Variants in ACYP2 observed in about 807,000 individuals in gnomAD.
ACYP2 encodes acylphosphatase-2.
In ACYP2, 12 loss-of-function variants were observed where a neutral mutation model predicts 11.2. That is an observed-to-expected ratio of 1.08 (90% CI 0.69 to 1.74). The LOEUF (loss-of-function observed/expected upper bound fraction) is 1.74. ACYP2 is among the 40% of genes most tolerant of loss of function. The pLI is 0.00. For missense variants in ACYP2, 134 were observed against 101.9 expected (o/e 1.31, Z -1.35); for synonymous variants, 43 against 32.2 (o/e 1.33, Z -1.13).
At chr2:54,262,694 T>G (rs1411892116) in intron 6 of ACYP2, among the ~76,000 whole-genome samples, 1 of 127,744 alleles carries the variant, frequency 7.8e-6, no homozygotes, top group Non-Finnish European at 1.7e-5. Flanking sequence ...GTTGTCATTT[T>G]AGGATAATCT....
intron 3 of ACYP2, chr2:54,051,070 G>T: frequency 1.9e-6 from 1 of 513,168 alleles, no homozygotes; most frequent in Non-Finnish European, 3.4e-6. Context: ...ACCGTCCTTG[G>T]TCACAAATTC....
Position 54,235,664 on chromosome 2 carries a change from T to C in ACYP2, c.405-69024T>C, listed in dbSNP as rs74545951. On this transcript the variant is annotated intron_variant, in intron 6 of 6. Transcript: ENST00000607452. The stretch of plus-strand genomic sequence containing the variant: ...CGCGCCTGGCCAACCTATAGGGTTT[T>C]TTTTGGAAAGCTTTAAGTTATTAAT... Among the ~76,000 whole-genome samples, 988 of 152,298 alleles carry C rather than the reference T, an allele frequency of 6.5e-3. 13 individuals are homozygous for C. Among genetic ancestry groups the C allele is most frequent in the African/African-American group, 0.021 (878 of 41,570 alleles).
At chr2:53,973,011 C>T (rs1317578805) in intron 1 of ACYP2, among the ~76,000 whole-genome samples, 3 of 152,032 alleles carry the variant, frequency 2.0e-5, no homozygotes, top group Non-Finnish European at 4.4e-5. Flanking sequence ...TCTGAGGAGC[C>T]CCACATTTAA....
At chr2:54,119,759 T>C (rs1680036646) in intron 4 of ACYP2, among the ~76,000 whole-genome samples, 1 of 152,232 alleles carries the variant, frequency 6.6e-6, no homozygotes, top group African/African-American at 2.4e-5. Context: ...TATTATGAAC[T>C]AAAGTCCTTA....
intron 6 of ACYP2, among the ~76,000 whole-genome samples, chr2:54,184,982 A>G (rs981931982): frequency 6.6e-6 from 1 of 152,008 alleles, no homozygotes; most frequent in East Asian, 1.9e-4. Flanking sequence ...AGTAGCTGGG[A>G]TTACAGGTGC....
chr2:54,301,977 C>G (rs1689744127), intron 6 of ACYP2, among the ~76,000 whole-genome samples: 2 of 152,166 alleles, frequency 1.3e-5, no homozygotes, highest in South Asian at 4.1e-4. Flanking sequence ...ACAGGGTAAA[C>G]AGAGCTCAGT....
chr2:54,023,730 C>T (rs1674123591), intron 2 of ACYP2, among the ~76,000 whole-genome samples: 1 of 151,934 alleles, frequency 6.6e-6, no homozygotes, highest in South Asian at 2.1e-4. Context: ...ACATACAATC[C>T]TGCTAGATTA....
rs371289322 is a variant in ACYP2 at position 54,256,463 on chromosome 2, TTC to T, written c.405-48219_405-48218del. ...CATGTGTTTGTTGGCCACTAGGATATTCTCTCTTGTGCAGTATCCGAGGCTTC... is the reference window on the plus strand; with the variant it reads ...CATGTGTTTGTTGGCCACTAGGATATTCTCTTGTGCAGTATCCGAGGCTTC... On this transcript the variant is annotated intron_variant, in intron 6 of 6. Coordinates refer to ENST00000607452, the MANE Select transcript of ACYP2 (RefSeq NM_001320586.2). Among the ~76,000 whole-genome samples the T allele has an allele frequency of 3.3e-4, 50 of 152,316 alleles. No homozygotes were observed. The East Asian group carries it at 8.9e-3, about 27-fold the overall frequency.
At chr2:54,092,515 T>A (rs939462426) in intron 4 of ACYP2, among the ~76,000 whole-genome samples, 3 of 152,098 alleles carry the variant, frequency 2.0e-5, no homozygotes, top group Non-Finnish European at 4.4e-5. Flanking sequence ...GGATGAGGAA[T>A]GGAATCATCC....
chr2:54,138,176 C>G (rs943389625), intron 5 of ACYP2, among the ~76,000 whole-genome samples: 2 of 151,940 alleles, frequency 1.3e-5, no homozygotes, highest in African/African-American at 4.8e-5. Flanking sequence ...CTGGAAATTT[C>G]GAAGTGTTGT....
At chr2:54,032,112 C>T (rs1422892265) in intron 2 of ACYP2, among the ~76,000 whole-genome samples, 1 of 152,166 alleles carries the variant, frequency 6.6e-6, no homozygotes, top group African/African-American at 2.4e-5. Flanking sequence ...TTTTGCTGTG[C>T]AGAAGCTCTT....
intron 4 of ACYP2, among the ~76,000 whole-genome samples, chr2:54,087,180 A>G (rs1402582239): frequency 1.3e-5 from 2 of 152,238 alleles, no homozygotes; most frequent in Admixed American, 6.5e-5. Context: ...AAAACAAAGC[A>G]TTTGAAAATT....
chr2:54,246,704 T>C (rs1296232905), intron 6 of ACYP2, among the ~76,000 whole-genome samples: 6 of 152,174 alleles, frequency 3.9e-5, no homozygotes, highest in African/African-American at 9.7e-5. Context: ...CTCTTAGTAA[T>C]TGTATTGTCT....
At position 54,201,632 on chromosome 2, in the gene ACYP2, C is replaced by CTTTTTCTTTCTTTCTTTCTTTG. The variant is rs1190292116; in HGVS notation, c.404+62887_404+62888insTTCTTTCTTTCTTTCTTTGTTT. Among the ~76,000 whole-genome samples the CTTTTTCTTTCTTTCTTTCTTTG allele has an allele frequency of 4.7e-3, 346 of 74,298 alleles. 9 individuals are homozygous for CTTTTTCTTTCTTTCTTTCTTTG. Among genetic ancestry groups the CTTTTTCTTTCTTTCTTTCTTTG allele is most frequent in the East Asian group, 0.026 (53 of 2,008 alleles). 48.7% of individuals were successfully genotyped at this position (74,298 alleles called of 152,430 possible). ...TCTTTCTTTCTTTCTTTGTTTCTTT[C>CTTTTTCTTTCTTTCTTTCTTTG]TTTCTCTTTCTTTCTTTCTTTCTTT... On this transcript the variant is annotated intron_variant, in intron 6 of 6. Transcript: ENST00000607452.
In ACYP2 at chr2:53,982,090, G is replaced by C. The variant is rs540460295; in HGVS notation, c.62+8280G>C. Among the ~76,000 whole-genome samples, 4 of 151,814 alleles carry C rather than the reference G, an allele frequency of 2.6e-5. No individual in the cohort carries two copies. In the East Asian group the frequency reaches 5.8e-4, roughly 22 times the overall value. Reference sequence around the variant, plus strand: ...ATGGTAATTGAAAAGATTCACAATAGAGTCAGTGAAGAGATAATAACTAAT... The same window carrying C: ...ATGGTAATTGAAAAGATTCACAATACAGTCAGTGAAGAGATAATAACTAAT... On this transcript the variant is annotated intron_variant, in intron 2 of 6. Coordinates refer to ENST00000607452, the MANE Select transcript of ACYP2 (RefSeq NM_001320586.2).
intron 6 of ACYP2, among the ~76,000 whole-genome samples, chr2:54,282,854 G>A (rs1048301086): frequency 6.6e-6 from 1 of 152,152 alleles, no homozygotes; most frequent in Non-Finnish European, 1.5e-5. Context: ...CACAGGAAAG[G>A]TGTGAAAGAA....
intron 2 of ACYP2, among the ~76,000 whole-genome samples, chr2:54,049,076 C>T (rs753112413): frequency 1.7e-4 from 26 of 152,052 alleles, no homozygotes; most frequent in Admixed American, 1.3e-3. Context: ...GCCTGGGAAA[C>T]GTGGTGAAAC....
At chr2:54,289,873 G>C (rs552096316) in intron 6 of ACYP2, among the ~76,000 whole-genome samples, 1 of 151,924 alleles carries the variant, frequency 6.6e-6, no homozygotes, top group Non-Finnish European at 1.5e-5. Context: ...AAGGCATTCC[G>C]AGAGCCCCCA....
intron 6 of ACYP2, among the ~76,000 whole-genome samples, chr2:54,160,497 TA>T (rs1682663804): frequency 6.6e-6 from 1 of 152,224 alleles, no homozygotes; most frequent in Non-Finnish European, 1.5e-5. Flanking sequence ...GTAAGCTCCT[TA>T]AAGGCAGGGA....
Sources: gnomAD v4.1 joint callset for allele counts (sites outside exome capture counted in the v4.1 genomes callset) on GRCh38, gnomAD v4.1.1 for gene constraint, MANE v1.5 for transcripts, NCBI Gene and HGNC (gene_info 2026-07-23, HGNC 2026-07-21) for gene names.